Variants in PPARGC1A observed in about 807,000 individuals in gnomAD.
PPARGC1A encodes the protein PPARG coactivator 1 alpha.
Under a neutral mutation model 88.7 loss-of-function variants are expected in PPARGC1A, and 25 were observed. That is an observed-to-expected ratio of 0.28 (90% CI 0.21 to 0.39). The LOEUF (loss-of-function observed/expected upper bound fraction) is 0.39, where lower values mean the gene tolerates loss of function less well. Ranked by LOEUF, PPARGC1A falls within the 10% of genes least tolerant of loss-of-function variation. The probability of loss-of-function intolerance (pLI) is 1.00; values close to 1 mark genes in which losing one functional copy is unlikely to be tolerated. For synonymous variants in PPARGC1A, 363 were observed against 355.6 expected (o/e 1.02, Z -0.24); for missense variants, 880 against 968.7 (o/e 0.91, Z 1.22).
chr4:24,309,787 C>T, the PPARGC1A span, among the ~76,000 whole-genome samples: 1 of 152,008 alleles, frequency 6.6e-6, no homozygotes, highest in Non-Finnish European at 1.5e-5. Flanking sequence ...CTGGCTGCTG[C>T]GTGATGAATA....
chr4:23,837,437 G>C (rs541220687), intron 2 of PPARGC1A, among the ~76,000 whole-genome samples: 24 of 150,542 alleles, frequency 1.6e-4, no homozygotes, highest in African/African-American at 5.6e-4. Flanking sequence ...CTTCAAGAAG[G>C]TGTTCATAAA....
At chr4:23,984,143 TG>T in the PPARGC1A span, among the ~76,000 whole-genome samples, 1 of 152,122 alleles carries the variant, frequency 6.6e-6, no homozygotes, top group Non-Finnish European at 1.5e-5. Context: ...TCATATCTTC[TG>T]GACATCCACA....
At chr4:24,305,165 A>ATGTG in the PPARGC1A span, among the ~76,000 whole-genome samples, 1 of 148,828 alleles carries the variant, frequency 6.7e-6, no homozygotes, top group Non-Finnish European at 1.5e-5. Context: ...ACACATATAT[A>ATGTG]TGTGTGTGTG....
intron 2 of PPARGC1A, among the ~76,000 whole-genome samples, chr4:23,867,402 T>C (rs1013298963): frequency 2.6e-5 from 4 of 152,212 alleles, no homozygotes; most frequent in African/African-American, 9.6e-5. Flanking sequence ...TGGGTCAGTT[T>C]AAGAATGAAT....
At chr4:24,176,252 A>G in the PPARGC1A span, among the ~76,000 whole-genome samples, 1 of 152,208 alleles carries the variant, frequency 6.6e-6, no homozygotes, top group Admixed American at 6.5e-5. Context: ...TGTCTCCAGC[A>G]TTTAGAACAG....
the PPARGC1A span, among the ~76,000 whole-genome samples, chr4:24,019,856 A>C: frequency 6.6e-6 from 1 of 152,202 alleles, no homozygotes; most frequent in African/African-American, 2.4e-5. Context: ...GGAATACCAC[A>C]AAAGAACTAC....
At chr4:24,229,499 T>G in the PPARGC1A span, among the ~76,000 whole-genome samples, 3 of 151,452 alleles carry the variant, frequency 2.0e-5, no homozygotes, top group Non-Finnish European at 4.4e-5. Flanking sequence ...TCAGCCTGGG[T>G]GAGACCCACT....
chr4:24,318,040 A>C, the PPARGC1A span, among the ~76,000 whole-genome samples: 3 of 152,228 alleles, frequency 2.0e-5, no homozygotes, highest in African/African-American at 7.2e-5. Flanking sequence ...ACCAAAGCCC[A>C]GGAATAAATA....
At chr4:24,008,037 G>T in the PPARGC1A span, among the ~76,000 whole-genome samples, 1 of 152,160 alleles carries the variant, frequency 6.6e-6, no homozygotes, top group East Asian at 1.9e-4. Flanking sequence ...TTCAATAAAG[G>T]TTCCTGCTGC....
chr4:23,910,374 T>C, the PPARGC1A span, among the ~76,000 whole-genome samples: 28 of 105,464 alleles, frequency 2.7e-4, no homozygotes, highest in Non-Finnish European at 4.2e-4. Context: ...TATTATATTA[T>C]ATTATATATA....
the PPARGC1A span, among the ~76,000 whole-genome samples, chr4:24,432,952 C>A: frequency 6.6e-6 from 1 of 152,182 alleles, no homozygotes; most frequent in Admixed American, 6.5e-5. Flanking sequence ...ATGGGTGTCA[C>A]ATTTTTGACC....
At chr4:24,113,712 T>C in the PPARGC1A span, among the ~76,000 whole-genome samples, 1 of 152,182 alleles carries the variant, frequency 6.6e-6, no homozygotes, top group African/African-American at 2.4e-5. Flanking sequence ...TACAAGACTT[T>C]TGCCCCTGCT....
the PPARGC1A span, among the ~76,000 whole-genome samples, chr4:23,913,263 T>G: frequency 0.012 from 645 of 55,924 alleles, no homozygotes; most frequent in Middle Eastern, 0.017. Flanking sequence ...TATATATATA[T>G]ATATAGAGAG....
the PPARGC1A span, among the ~76,000 whole-genome samples, chr4:24,419,352 AGT>A: frequency 0.35 from 49,001 of 138,572 alleles, 8,752 homozygotes; most frequent in Middle Eastern, 0.39. Context: ...CAAATCTTCA[AGT>A]GTGTGTGTGT....
chr4:24,252,164 C>T, the PPARGC1A span, among the ~76,000 whole-genome samples: 1 of 152,140 alleles, frequency 6.6e-6, no homozygotes, highest in Non-Finnish European at 1.5e-5. Context: ...CACCTCTGGT[C>T]ATCTTTATCA....
the PPARGC1A span, among the ~76,000 whole-genome samples, chr4:24,440,143 T>C: frequency 1.3e-5 from 2 of 152,254 alleles, no homozygotes; most frequent in Non-Finnish European, 2.9e-5. Context: ...TATGTATTGT[T>C]GTTCTGAACT....
chr4:24,400,292 G>A, the PPARGC1A span, among the ~76,000 whole-genome samples: 1 of 152,106 alleles, frequency 6.6e-6, no homozygotes, highest in Non-Finnish European at 1.5e-5. Context: ...TAACCTGGTG[G>A]GCACAATCTA....
the PPARGC1A span, among the ~76,000 whole-genome samples, chr4:24,061,034 A>G: frequency 6.6e-6 from 1 of 152,166 alleles, no homozygotes; most frequent in Non-Finnish European, 1.5e-5. Flanking sequence ...TCCTCATGGC[A>G]TAAACATCTT....
chr4:24,227,482 A>G, the PPARGC1A span, among the ~76,000 whole-genome samples: 1 of 152,346 alleles, frequency 6.6e-6, no homozygotes, highest in African/African-American at 2.4e-5. Flanking sequence ...TGTTGAGAAT[A>G]TTAAATAAGA....
Sources: gnomAD v4.1 joint callset for allele counts (sites outside exome capture counted in the v4.1 genomes callset) on GRCh38, gnomAD v4.1.1 for gene constraint, MANE v1.5 for transcripts, NCBI Gene and HGNC (gene_info 2026-07-23, HGNC 2026-07-21) for gene names.